Variants in LACTB observed in about 807,000 individuals in gnomAD.
LACTB encodes serine beta-lactamase-like protein LACTB, mitochondrial.
Under a neutral mutation model 50.2 loss-of-function variants are expected in LACTB, and 35 were observed. That is an observed-to-expected ratio of 0.70 (90% CI 0.53 to 0.92). LACTB has a LOEUF of 0.92. LACTB is among the 40% of genes least tolerant of loss of function. LACTB has a pLI of 0.00. For synonymous variants in LACTB, 252 were observed against 268.2 expected (o/e 0.94, Z 0.59); for missense variants, 664 against 691.8 (o/e 0.96, Z 0.45).
intron 2 of LACTB, among the ~76,000 whole-genome samples, chr15:63,124,394 T>C (rs1045770970): frequency 3.9e-5 from 6 of 152,362 alleles, no homozygotes; most frequent in Middle Eastern, 3.4e-3. Flanking sequence ...GCTCGTGTCC[T>C]CGGTCTCTTG....
rs551005009 is a variant in LACTB, at chr15:63,129,434, GAAT to G, written c.953-44_953-42del. ...GTGGGAATATATTTTATATGTTTTT[GAAT>G]AATAATCAAGTATTTTATTTTTTTC... On this transcript the variant is annotated intron_variant, in intron 4 of 5. Transcript: ENST00000261893. The G allele has an allele frequency of 1.8e-4, 258 of 1,439,416 alleles. 1 individual carries two copies. Among genetic ancestry groups the G allele is most frequent in the Admixed American group, 1.0e-3 (41 of 40,980 alleles). The allele number at this position is 1,439,416 out of a possible 1,614,324, so 89.2% of individuals were successfully genotyped here. A position where few individuals can be genotyped will look rare whatever the true frequency, so the allele number is the denominator to read the frequency against.
At chr15:63,134,710 T>C (rs1459199430) in intron 5 of LACTB, among the ~76,000 whole-genome samples, 2 of 152,160 alleles carry the variant, frequency 1.3e-5, no homozygotes, top group African/African-American at 4.8e-5. Flanking sequence ...ACTTTATTAC[T>C]AATGAAGAAG....
Position 63,122,648 on chromosome 15 carries a change from G to T in LACTB, c.370G>T (p.Ala124Ser). 1 of 1,613,240 alleles carries T rather than the reference G, an allele frequency of 6.2e-7. No homozygotes were observed. Among genetic ancestry groups the T allele is most frequent in the Non-Finnish European group, 8.5e-7 (1 of 1,179,156 alleles). Residue 124 changes from alanine (A) to serine (S), a missense_variant, in exon 2 of 6, where the codon GCA (alanine) becomes TCA (serine). Physicochemically the swap from Ala to Ser is moderately conservative, Grantham distance 99. Coordinates refer to ENST00000261893, the MANE Select transcript of LACTB (RefSeq NM_032857.5). Reference protein sequence around the residue: ...LLHRIKDEVGAPGIVVGVSVD... With the variant: ...LLHRIKDEVGSPGIVVGVSVD... ...CCTTCGGTCTTAGGATGAGGTGGGCGCACCGGGCATAGTGGTTGGAGTTTC... is the reference window on the plus strand; with the variant it reads ...CCTTCGGTCTTAGGATGAGGTGGGCTCACCGGGCATAGTGGTTGGAGTTTC...
intron 5 of LACTB, among the ~76,000 whole-genome samples, chr15:63,139,043 CAA>C (rs11413822): frequency 8.4e-5 from 6 of 71,338 alleles, no homozygotes; most frequent in Non-Finnish European, 1.2e-4. Context: ...GACTCTGTTT[CAA>C]AAAAAAAAAA....
Position 63,127,345 on chromosome 15 carries a change from A to G in LACTB, c.616-8A>G. The G allele has an allele frequency of 6.5e-7, 1 of 1,528,814 alleles. No homozygotes were observed. Among genetic ancestry groups the G allele is most frequent in the South Asian group, 1.3e-5 (1 of 79,560 alleles). 94.7% of individuals were successfully genotyped at this position (1,528,814 alleles called of 1,614,324 possible). On this transcript the variant is annotated splice_polypyrimidine_tract_variant and splice_region_variant and intron_variant, in intron 3 of 5. Transcript: ENST00000261893. ...ATTGTAATTGAATTTTCATGTTTTTACAATTAGGTTTCTGTCACAACAAGA... is the reference window on the plus strand; with the variant it reads ...ATTGTAATTGAATTTTCATGTTTTTGCAATTAGGTTTCTGTCACAACAAGA...
At position 63,141,874 on chromosome 15, in the gene LACTB, A is replaced by G. The variant is rs1330107526; in HGVS notation, c.*69A>G. The G allele has an allele frequency of 7.6e-6, 10 of 1,319,196 alleles. No homozygotes were observed. In the Admixed American group the frequency reaches 1.6e-4, roughly 20 times the overall value. 81.7% of individuals were successfully genotyped at this position (1,319,196 alleles called of 1,614,324 possible). A position where few individuals can be genotyped will look rare whatever the true frequency, so the allele number is the denominator to read the frequency against. On this transcript the variant is annotated 3_prime_UTR_variant, in exon 6 of 6. Transcript: ENST00000261893. ...TTTTGAAACATTAAAGTTCCAAAAC[A>G]TGACATTTTTAAGAATAAATTTGAA...
intron 5 of LACTB, chr15:63,130,721 C>G (rs1271012091): frequency 2.0e-5 from 3 of 152,174 alleles, no homozygotes; most frequent in Admixed American, 2.0e-4. Flanking sequence ...AGTCACTTGA[C>G]ATCAGTTTGT....
chr15:63,141,868 C>A lies in LACTB; in HGVS notation c.*63C>A. 1.5e-6 allele frequency: 2 copies of A among 1,330,308 alleles called. No homozygotes were observed. Among genetic ancestry groups the A allele is most frequent in the Middle Eastern group, 1.9e-4 (1 of 5,334 alleles). 82.4% of individuals were successfully genotyped at this position (1,330,308 alleles called of 1,614,324 possible). ...AGGTTTTTTTGAAACATTAAAGTTC[C>A]AAAACATGACATTTTTAAGAATAAA... On this transcript the variant is annotated 3_prime_UTR_variant, in exon 6 of 6. Transcript: ENST00000261893.
At chr15:63,141,058 T>C in intron 5 of LACTB, 3 of 984,512 alleles carry the variant, frequency 3.0e-6, no homozygotes, top group Non-Finnish European at 2.4e-6. Flanking sequence ...AAAAAACCAC[T>C]TTCTATGCTT....
chr15:63,135,105 T>G lies in LACTB; in HGVS notation c.1118+5455T>G, dbSNP rs188130718. On this transcript the variant is annotated intron_variant, in intron 5 of 5. Coordinates refer to ENST00000261893, the MANE Select transcript of LACTB (RefSeq NM_032857.5). ...AACTATTACTTTTACCTTGCATATT[T>G]CCATTAGTACATGCTTTACAAATGG... Among the ~76,000 whole-genome samples, 46 of 152,322 alleles carry G rather than the reference T, an allele frequency of 3.0e-4. No homozygotes were observed. The East Asian group carries it at 8.3e-3, about 27-fold the overall frequency.
Position 63,141,676 on chromosome 15 carries a change from A to G in LACTB, c.1515A>G (p.Thr505=). 1 of 1,614,224 alleles carries G rather than the reference A, an allele frequency of 6.2e-7. No individual in the cohort carries two copies. Among genetic ancestry groups the G allele is most frequent in the Middle Eastern group, 1.6e-4 (1 of 6,062 alleles). ...TGGTCCTTCCTGAAGAACTGGATAC[A>G]GAGACTATAAATAACAAGGTTCCCC... is the stretch of plus-strand genomic sequence containing the variant. ...VLLVLPEELD[T]ETINNKVPPR... is the part of the protein sequence containing the mutation. The change falls in exon 6 of 6, where the codon ACA becomes ACG. Residue 505 remains threonine, a synonymous_variant. Coordinates refer to ENST00000261893, the MANE Select transcript of LACTB (RefSeq NM_032857.5).
At chr15:63,132,941 A>G (rs2037146657) in intron 5 of LACTB, among the ~76,000 whole-genome samples, 1 of 152,194 alleles carries the variant, frequency 6.6e-6, no homozygotes. Flanking sequence ...GTACTTTTTA[A>G]TAAGTTTTAA....
chr15:63,128,984 C>T (rs964977398), intron 4 of LACTB, among the ~76,000 whole-genome samples: 2 of 152,164 alleles, frequency 1.3e-5, no homozygotes, highest in African/African-American at 2.4e-5. Context: ...CTCAGGTGAT[C>T]CTCCCCCCTT....
intron 5 of LACTB, among the ~76,000 whole-genome samples, chr15:63,138,512 T>C (rs2037195682): frequency 6.6e-6 from 1 of 152,192 alleles, no homozygotes; most frequent in Non-Finnish European, 1.5e-5. Context: ...AGAAATGTTC[T>C]AGGAATTTGA....
chr15:63,134,830 G>GTT (rs2037162289), intron 5 of LACTB, among the ~76,000 whole-genome samples: 1 of 151,816 alleles, frequency 6.6e-6, no homozygotes, highest in Non-Finnish European at 1.5e-5. Flanking sequence ...GTGTGTGTGT[G>GTT]TGTGTGTGTT....
At position 63,125,189 on chromosome 15, in the gene LACTB, T is replaced by TTTG. The variant is rs2037034906; in HGVS notation, c.425-1670_425-1669insTTG. Among the ~76,000 whole-genome samples the TTTG allele has an allele frequency of 2.0e-5, 3 of 151,128 alleles. 1 individual carries two copies. The highest frequency in any genetic ancestry group is 4.4e-5 in the Non-Finnish European group (3 of 67,710). On this transcript the variant is annotated intron_variant, in intron 2 of 5. Transcript: ENST00000261893. Reference sequence around the variant, plus strand: ...AAATTTTATTTATTTATTTTTTTTTTGGAGTTTCACTCTTGTTGCCCAGGC... The same window carrying TTTG: ...AAATTTTATTTATTTATTTTTTTTTTTTGGGAGTTTCACTCTTGTTGCCCAGGC...
chr15:63,134,018 G>A (rs2037154855), intron 5 of LACTB, among the ~76,000 whole-genome samples: 1 of 152,212 alleles, frequency 6.6e-6, no homozygotes, highest in African/African-American at 2.4e-5. Flanking sequence ...GGGTGAGTCA[G>A]AAGTTTATAA....
intron 2 of LACTB, among the ~76,000 whole-genome samples, chr15:63,125,447 C>T (rs2037039366): frequency 2.0e-5 from 3 of 151,974 alleles, no homozygotes; most frequent in East Asian, 1.9e-4. Context: ...GGATTACAGG[C>T]GTGAGCCACC....
chr15:63,141,462 A>G lies in LACTB; in HGVS notation c.1301A>G (p.Tyr434Cys), dbSNP rs1215356924. The part of the protein sequence containing the change: ...KNSNENLLPG[Y>C]LKPETMVMMW... ...TCAAATGAAAATCTTTTACCTGGAT[A>G]CCTCAAACCAGAAACAATGGTTATG... Residue 434 changes from tyrosine (Y) to cysteine (C), a missense_variant, in exon 6 of 6, where the codon TAC becomes TGC. Coordinates refer to ENST00000261893, the MANE Select transcript of LACTB (RefSeq NM_032857.5). The G allele has an allele frequency of 2.5e-6, 4 of 1,614,078 alleles. No homozygotes were observed. The highest frequency in any genetic ancestry group is 2.7e-5 in the African/African-American group (2 of 74,922).
Sources: allele counts gnomAD v4.1 joint callset (sites outside exome capture counted in the v4.1 genomes callset), GRCh38; gene constraint gnomAD v4.1.1; transcripts MANE v1.5; gene names NCBI Gene and HGNC (gene_info 2026-07-23, HGNC 2026-07-21).